The following TOGARAM1 variants were observed in gnomAD, a reference collection of about 807,000 sequenced individuals.
TOGARAM1 encodes the protein TOG array regulator of axonemal microtubules protein 1.
TOGARAM1 carries 100 observed loss-of-function variants against 166.6 expected under a neutral mutation model. The ratio of observed to expected loss-of-function variants is 0.60; its 90% confidence interval spans 0.51 to 0.71. The LOEUF (loss-of-function observed/expected upper bound fraction) is 0.71, where lower values mean the gene tolerates loss of function less well. Ranked by LOEUF, TOGARAM1 falls within the 30% of genes least tolerant of loss-of-function variation. TOGARAM1 has a pLI of 0.00. For synonymous variants in TOGARAM1, 758 were observed against 763.8 expected, an observed-to-expected ratio of 0.99 and a Z score of 0.13; for missense variants, 2,029 against 2,102.7, an observed-to-expected ratio of 0.96 and a Z score of 0.69.
In TOGARAM1 at chr14:45,047,953, G is replaced by A. The variant is rs527922532; in HGVS notation, c.4313+1250G>A. ...TGCCTGTAATCCCAGCTACCCAGGAGGCTGAAGCAGGAGAATCACACCAAC... is the reference window on the plus strand; with the variant it reads ...TGCCTGTAATCCCAGCTACCCAGGAAGCTGAAGCAGGAGAATCACACCAAC... On this transcript the variant is annotated intron_variant, in intron 14 of 19. Coordinates refer to ENST00000361462, the MANE Select transcript of TOGARAM1 (RefSeq NM_001308120.2). 3.9e-5 allele frequency among the ~76,000 whole-genome samples: 6 copies of A among 151,924 alleles called. No individual in the cohort carries two copies. In the East Asian group the frequency reaches 1.2e-3, roughly 29 times the overall value.
chr14:44,995,409 A>T lies in TOGARAM1; in HGVS notation c.2047-337A>T, dbSNP rs1356906514. 6.6e-6 allele frequency: 3 copies of T among 455,606 alleles called. No individual in the cohort carries two copies. In the East Asian group the frequency reaches 2.1e-4, roughly 31 times the overall value. 28.2% of individuals were successfully genotyped at this position (455,606 alleles called of 1,614,324 possible). ...CTTATTGTCTAGTACTCAAACAAAG[A>T]TAGCATAGTTTGAGGGGTTACGCTG... is the stretch of plus-strand genomic sequence containing the variant. On this transcript the variant is annotated intron_variant, in intron 1 of 19. Transcript: ENST00000361462.
chr14:45,044,576 A>C, intron 12 of TOGARAM1, 59 bp from the exon 13 acceptor site: 1 of 1,168,732 alleles, frequency 8.6e-7, no homozygotes, highest in Non-Finnish European at 1.2e-6. Context: ...TTTCCAAGTT[A>C]TTATTAGTGA....
At chr14:45,070,052 G>A (rs1166076915) in intron 18 of TOGARAM1, among the ~76,000 whole-genome samples, 5 of 151,900 alleles carry the variant, frequency 3.3e-5, no homozygotes, top group African/African-American at 1.2e-4. Flanking sequence ...CGTGGTGGCA[G>A]GTGCCTGTAG....
rs764532191 is a variant in TOGARAM1 at position 44,962,705 on chromosome 14, A to C, written c.284A>C (p.Glu95Ala). 5.6e-6 allele frequency: 9 copies of C among 1,614,120 alleles called. No homozygotes were observed. The highest frequency in any genetic ancestry group is 7.6e-6 in the Non-Finnish European group (9 of 1,180,030). The change falls in exon 1 of 20, where the codon GAG becomes GCG. Residue 95 changes from glutamate to alanine, a missense_variant. Physicochemically the swap from Glu to Ala is moderately radical, Grantham distance 107. Around this residue, in one of 2 missense-constraint regions of TOGARAM1, gnomAD observed 1,453 missense variants for 1,432.2 expected, o/e 1.01. Transcript: ENST00000361462. ...SGGGLSGGDE[E>A]DTRLLQLLRT... The stretch of plus-strand genomic sequence containing the variant: ...GGCGGTTTGTCAGGGGGAGATGAAG[A>C]GGACACTCGGCTCCTTCAACTCCTC...
At chr14:45,004,028 A>C (rs1594644024) in intron 3 of TOGARAM1, 33 bp from the exon 4 acceptor site, 1 of 1,554,412 alleles carries the variant, frequency 6.4e-7, no homozygotes, top group African/African-American at 1.4e-5. Context: ...CTGTGTATAC[A>C]TAAATAATAT....
intron 1 of TOGARAM1, among the ~76,000 whole-genome samples, chr14:44,988,081 G>T (rs910876581): frequency 7.2e-6 from 1 of 139,590 alleles, no homozygotes; most frequent in African/African-American, 2.7e-5. Flanking sequence ...CAGGAAGGGG[G>T]ACATCACACA....
At chr14:44,964,557 G>T in intron 1 of TOGARAM1, 90 bp downstream of exon 1, 1 of 1,376,968 alleles carries the variant, frequency 7.3e-7, no homozygotes, top group Non-Finnish European at 9.7e-7. Flanking sequence ...CTGCTTGAGG[G>T]AAACATGTTA....
chr14:44,966,040 A>G (rs1367331955), intron 1 of TOGARAM1, among the ~76,000 whole-genome samples: 1 of 151,454 alleles, frequency 6.6e-6, no homozygotes, highest in Non-Finnish European at 1.5e-5. Flanking sequence ...ACGCCCAGCT[A>G]ATTTTTGTAT....
intron 1 of TOGARAM1, among the ~76,000 whole-genome samples, chr14:44,978,695 G>A (rs1055985145): frequency 8.6e-5 from 13 of 151,944 alleles, no homozygotes; most frequent in African/African-American, 3.1e-4. Flanking sequence ...CTACTTGGGA[G>A]ACTCAGGTGG....
intron 16 of TOGARAM1, 76 bp downstream of exon 16, chr14:45,054,625 C>T: frequency 9.0e-7 from 1 of 1,112,458 alleles, no homozygotes; most frequent in Non-Finnish European, 1.3e-6. Flanking sequence ...TTTTCATAAA[C>T]TACCCCAGGG....
chr14:45,055,751 CT>C (rs1172148032), intron 16 of TOGARAM1, among the ~76,000 whole-genome samples: 1 of 139,942 alleles, frequency 7.1e-6, no homozygotes, highest in East Asian at 2.1e-4. Context: ...TTGCAGTGAG[CT>C]GAGATCACGC....
chr14:45,064,520 G>A (rs1212133108), intron 16 of TOGARAM1, among the ~76,000 whole-genome samples: 1 of 152,026 alleles, frequency 6.6e-6, no homozygotes, highest in African/African-American at 2.4e-5. Flanking sequence ...ATCCAGGCTG[G>A]AGTGCAATGA....
At chr14:45,054,994 T>C (rs73353647) in intron 16 of TOGARAM1, among the ~76,000 whole-genome samples, 8,316 of 152,092 alleles carry the variant, frequency 0.055, 304 homozygotes, top group East Asian at 0.12. Flanking sequence ...GCAGGCAGAA[T>C]TGTTTGAGCT....
chr14:45,036,526 A>G (rs1044403314), intron 11 of TOGARAM1, among the ~76,000 whole-genome samples: 3 of 152,238 alleles, frequency 2.0e-5, no homozygotes, highest in African/African-American at 4.8e-5. Context: ...TATTAATATC[A>G]AAGTATATTT....
intron 1 of TOGARAM1, among the ~76,000 whole-genome samples, chr14:44,971,656 TTTC>T (rs1162451303): frequency 6.6e-6 from 1 of 152,224 alleles, no homozygotes; most frequent in Non-Finnish European, 1.5e-5. Flanking sequence ...ATTTTAGATC[TTTC>T]TTCTTTTCTA....
intron 8 of TOGARAM1, among the ~76,000 whole-genome samples, chr14:45,027,006 A>AAAACAAAC (rs10674415): frequency 2.6e-5 from 4 of 151,746 alleles, no homozygotes; most frequent in African/African-American, 7.3e-5. Context: ...AGACTATCTC[A>AAAACAAAC]AAACAAACAA....
intron 1 of TOGARAM1, among the ~76,000 whole-genome samples, chr14:44,967,470 T>A (rs1885621277): frequency 6.6e-6 from 1 of 152,250 alleles, no homozygotes; most frequent in Non-Finnish European, 1.5e-5. Flanking sequence ...ACAGTCAGAA[T>A]TTTGTGGTCA....
rs371897649 is a variant in TOGARAM1, at chr14:45,067,334, A to G, written c.4749+567A>G. ...GTTGAATTAATCAATACATATTTTT[A>G]AAAAGCAAAGACAGATAAGAGACTT... On this transcript the variant is annotated intron_variant, in intron 17 of 19. Transcript: ENST00000361462. Among the ~76,000 whole-genome samples, 11 of 152,262 alleles carry G rather than the reference A, an allele frequency of 7.2e-5. No individual in the cohort carries two copies. In the East Asian group the frequency reaches 1.5e-3, roughly 21 times the overall value.
chr14:44,997,885 C>G (rs766737231), intron 2 of TOGARAM1, among the ~76,000 whole-genome samples: 113 of 151,932 alleles, frequency 7.4e-4, no homozygotes, highest in Non-Finnish European at 1.4e-3. Flanking sequence ...CAAGATATAG[C>G]ACCCAGGTAA....
Sources: allele counts gnomAD v4.1 joint callset (sites outside exome capture counted in the v4.1 genomes callset), GRCh38; gene constraint gnomAD v4.1.1; regional missense constraint gnomAD v4.1.1; transcripts MANE v1.5; gene names NCBI Gene and HGNC (gene_info 2026-07-23, HGNC 2026-07-21).